The following HACE1 variants were observed in gnomAD, a reference collection of about 807,000 sequenced individuals.
The protein encoded by HACE1 is HECT domain and ankyrin repeat containing E3 ubiquitin protein ligase 1, also known as E3 ubiquitin-protein ligase HACE1.
In HACE1, 73 loss-of-function variants were observed where a neutral mutation model predicts 118.4. The observed-to-expected ratio is 0.62, with a 90% CI of 0.51 to 0.75. The LOEUF (loss-of-function observed/expected upper bound fraction) is 0.75. Ranked by LOEUF, HACE1 falls within the 30% of genes least tolerant of loss-of-function variation. The pLI is 0.00. For synonymous variants in HACE1, 368 were observed against 374.8 expected (o/e 0.98, Z 0.21); for missense variants, 749 against 1,102.2 (o/e 0.68, Z 4.54).
intron 8 of HACE1, 81 bp from the exon 9 acceptor site, chr6:104,796,837 GCACC>G: frequency 9.3e-7 from 1 of 1,076,200 alleles, no homozygotes; most frequent in Non-Finnish European, 1.4e-6. Context: ...AAAAATCTTT[GCACC>G]TACCCTTTCA....
intron 7 of HACE1, among the ~76,000 whole-genome samples, chr6:104,804,435 G>A (rs1032545220): frequency 1.3e-5 from 2 of 152,108 alleles, no homozygotes; most frequent in African/African-American, 4.8e-5. Flanking sequence ...GAACAAAGCT[G>A]GCAGCATCAT....
chr6:104,791,696 T>C (rs1444971986), intron 10 of HACE1, 42 bp from the exon 11 acceptor site: 4 of 1,289,938 alleles, frequency 3.1e-6, no homozygotes, highest in Non-Finnish European at 4.5e-6. Context: ...GTAAAACAAA[T>C]TACATATTAA....
At chr6:104,802,693 T>C (rs1386709462) in intron 7 of HACE1, among the ~76,000 whole-genome samples, 1 of 152,126 alleles carries the variant, frequency 6.6e-6, no homozygotes, top group Non-Finnish European at 1.5e-5. Context: ...CATACCAGAA[T>C]CTCTGGGACA....
intron 5 of HACE1, among the ~76,000 whole-genome samples, chr6:104,838,199 AAAGAT>A (rs1484455318): frequency 2.6e-5 from 4 of 152,338 alleles, no homozygotes; most frequent in Non-Finnish European, 5.9e-5. Context: ...CAGAAACAGA[AAAGAT>A]AATTCTAAAA....
chr6:104,756,623 G>C lies in HACE1; in HGVS notation c.2212-6151C>G, dbSNP rs146637780. On this transcript the variant is annotated intron_variant, in intron 19 of 23. Transcript: ENST00000262903. The stretch of plus-strand genomic sequence containing the variant: ...AGCTCTGGTCTACAGCTCCCAGCGA[G>C]ACTGACACAGAAGATGGGTGATGTC... Among the ~76,000 whole-genome samples the C allele has an allele frequency of 4.6e-3, 703 of 152,196 alleles. 3 individuals carry two copies. Among genetic ancestry groups the C allele is most frequent in the African/African-American group, 0.016 (661 of 41,530 alleles).
chr6:104,831,980 G>GAAGAGAAGAGGAGGA (rs71003447), intron 6 of HACE1, among the ~76,000 whole-genome samples: 33 of 62,928 alleles, frequency 5.2e-4, no homozygotes, highest in Admixed American at 1.4e-3. Flanking sequence ...GAAGAGAAGA[G>GAAGAGAAGAGGAGGA]AGGAAGGAAG....
At chr6:104,750,313 C>T (rs1562285991) in intron 20 of HACE1, 28 bp downstream of exon 20, 1 of 1,594,916 alleles carries the variant, frequency 6.3e-7, no homozygotes, top group East Asian at 2.2e-5. Context: ...TGTTGTGTTA[C>T]AACATAAGAA....
chr6:104,732,761 C>T (rs116092472), intron 22 of HACE1, among the ~76,000 whole-genome samples: 117 of 152,292 alleles, frequency 7.7e-4, no homozygotes, highest in African/African-American at 2.7e-3. Context: ...TTTGAAATCA[C>T]TGATATGTAT....
chr6:104,859,499 G>A (rs1028831464), intron 1 of HACE1, 68 bp downstream of exon 1: 5 of 1,160,760 alleles, frequency 4.3e-6, no homozygotes, highest in East Asian at 5.8e-5. Context: ...ACCTTGACGC[G>A]GCCGGAGCTC....
At chr6:104,823,697 A>G (rs889928330) in intron 6 of HACE1, among the ~76,000 whole-genome samples, 1 of 152,104 alleles carries the variant, frequency 6.6e-6, no homozygotes, top group Non-Finnish European at 1.5e-5. Flanking sequence ...AAGGAATTTT[A>G]AAGAATAAAA....
At chr6:104,816,951 G>A (rs894283637) in intron 6 of HACE1, among the ~76,000 whole-genome samples, 23 of 152,190 alleles carry the variant, frequency 1.5e-4, no homozygotes, top group African/African-American at 5.1e-4. Flanking sequence ...TTTCAGACTT[G>A]CATGGGGCCT....
Position 104,777,251 on chromosome 6 carries a change from C to T in HACE1, c.1633G>A (p.Val545Met). The T allele has an allele frequency of 6.2e-7, 1 of 1,613,758 alleles. No individual in the cohort carries two copies. The highest frequency in any genetic ancestry group is 8.5e-7 in the Non-Finnish European group (1 of 1,179,656). The change falls in exon 15 of 24, where the codon GTG (valine) becomes ATG (methionine). Residue 545 changes from valine (V) to methionine (M), a missense_variant. Val to Met is a conservative substitution (Grantham distance 21, BLOSUM62 1). This residue lies in a region of HACE1 where 195 missense variants were observed against 322.1 expected (regional missense o/e 0.61). Transcript: ENST00000262903. ...LHSGQPDSDM[V>M]HRPVNENDIL... is the part of the protein sequence containing the mutation. ...TCATTTTCATTCACTGGCCTGTGCACCATATCTGAATCTGGCTGTCCTGAA... is the reference window on the plus strand; with the variant it reads ...TCATTTTCATTCACTGGCCTGTGCATCATATCTGAATCTGGCTGTCCTGAA...
intron 20 of HACE1, among the ~76,000 whole-genome samples, chr6:104,749,918 G>A (rs1440816586): frequency 1.3e-5 from 2 of 151,964 alleles, no homozygotes; most frequent in Non-Finnish European, 2.9e-5. Flanking sequence ...ATAAGAAACT[G>A]GAGAAGACAA....
chr6:104,769,626 T>TAA (rs1241876366), intron 19 of HACE1, among the ~76,000 whole-genome samples: 1 of 152,190 alleles, frequency 6.6e-6, no homozygotes, highest in African/African-American at 2.4e-5. Flanking sequence ...TGACTTACAT[T>TAA]AAAAATCAAG....
At chr6:104,785,546 A>T (rs1782294491) in intron 11 of HACE1, 1 of 469,356 alleles carries the variant, frequency 2.1e-6, no homozygotes, top group Non-Finnish European at 3.8e-6. Flanking sequence ...ATTTGTATGT[A>T]TGTATTCCTT....
At chr6:104,853,803 C>T (rs73768847) in intron 1 of HACE1, among the ~76,000 whole-genome samples, 4,789 of 152,178 alleles carry the variant, frequency 0.031, 242 homozygotes, top group African/African-American at 0.11. Context: ...ACAGCAGTCC[C>T]CACTTATCCG....
intron 22 of HACE1, among the ~76,000 whole-genome samples, chr6:104,735,622 C>A (rs1034629860): frequency 4.0e-5 from 6 of 151,282 alleles, no homozygotes; most frequent in Admixed American, 2.6e-4. Flanking sequence ...CAGAGCGAGA[C>A]TCCGTCTCAA....
At chr6:104,751,779 T>C (rs1562289715) in intron 19 of HACE1, among the ~76,000 whole-genome samples, 2 of 152,122 alleles carry the variant, frequency 1.3e-5, no homozygotes, top group Non-Finnish European at 2.9e-5. Context: ...TAATTAGTTA[T>C]AAGTGAAACT....
In HACE1 at chr6:104,795,602, T is replaced by C. The variant is rs536441880; in HGVS notation, c.900A>G (p.Thr300=). 1.9e-5 allele frequency: 31 copies of C among 1,607,744 alleles called. No homozygotes were observed. In the African/African-American group the frequency reaches 2.1e-4, roughly 11 times the overall value. The change falls in exon 10 of 24, where the codon ACA becomes ACG. Residue 300 remains threonine (T), a synonymous_variant. Transcript: ENST00000262903. Reference sequence around the variant, plus strand: ...ACCTAAGCAGTTTATGACCATTTGTTGTAGCAACTTCAGCAAGGCTTGTTA... The same window carrying C: ...ACCTAAGCAGTTTATGACCATTTGTCGTAGCAACTTCAGCAAGGCTTGTTA... The part of the protein sequence containing the change: ...KILTSLAEVA[T]TNGHKLLSLS...
Sources: gnomAD v4.1 joint callset for allele counts (sites outside exome capture counted in the v4.1 genomes callset) on GRCh38, gnomAD v4.1.1 for gene constraint, gnomAD v4.1.1 regional missense constraint, MANE v1.5 for transcripts, NCBI Gene and HGNC (gene_info 2026-07-23, HGNC 2026-07-21) for gene names.